The following MDGA2 variants were observed in gnomAD, a reference collection of about 807,000 sequenced individuals.
The protein encoded by MDGA2 is MAM domain-containing glycosylphosphatidylinositol anchor protein 2.
Under a neutral mutation model 117.8 loss-of-function variants are expected in MDGA2, and 40 were observed. That is an observed-to-expected ratio of 0.34 (90% confidence interval 0.26 to 0.44). The LOEUF is 0.44. Among genes scored for constraint, MDGA2 ranks in the 20% least tolerant of loss-of-function variants. MDGA2 has a pLI of 1.00. For missense variants in MDGA2, 1,123 were observed against 1,250.6 expected, an observed-to-expected ratio of 0.90 and a Z score of 1.54; for synonymous variants, 452 against 439.0, an observed-to-expected ratio of 1.03 and a Z score of -0.37.
At chr14:47,546,043 T>TAGGAGAAAAAA (rs1346942330) in intron 1 of MDGA2, among the ~76,000 whole-genome samples, 1 of 152,336 alleles carries the variant, frequency 6.6e-6, no homozygotes. Flanking sequence ...AAAAAAGTAC[T>TAGGAGAAAAAA]GTATTTAGGA....
chr14:46,921,706 T>C (rs1357744860), intron 9 of MDGA2, among the ~76,000 whole-genome samples: 2 of 152,194 alleles, frequency 1.3e-5, no homozygotes, highest in South Asian at 2.1e-4. Context: ...CAAAACATTC[T>C]TGATAATTTG....
intron 15 of MDGA2, among the ~76,000 whole-genome samples, chr14:46,847,919 C>G (rs767526714): frequency 6.6e-6 from 1 of 151,912 alleles, no homozygotes; most frequent in East Asian, 1.9e-4. Flanking sequence ...GTTTTTAAGT[C>G]TTGGGGTATA....
intron 3 of MDGA2, among the ~76,000 whole-genome samples, chr14:47,167,583 A>G (rs146921443): frequency 6.6e-6 from 1 of 152,256 alleles, no homozygotes; most frequent in African/African-American, 2.4e-5. Context: ...AAGAATAGCA[A>G]AAGTGAAGGA....
intron 2 of MDGA2, among the ~76,000 whole-genome samples, chr14:47,301,039 A>G (rs1286632080): frequency 6.6e-6 from 1 of 152,204 alleles, no homozygotes; most frequent in African/African-American, 2.4e-5. Context: ...TTATGTCATC[A>G]TGAAATCATG....
intron 10 of MDGA2, among the ~76,000 whole-genome samples, chr14:46,915,101 G>T (rs940981420): frequency 1.3e-5 from 2 of 152,018 alleles, no homozygotes; most frequent in Admixed American, 1.3e-4. Context: ...ATTGATTTAG[G>T]ATTCTGAAAT....
intron 5 of MDGA2, among the ~76,000 whole-genome samples, chr14:47,105,267 CTG>C (rs1033481956): frequency 6.6e-6 from 1 of 152,122 alleles, no homozygotes; most frequent in Non-Finnish European, 1.5e-5. Context: ...CCTCTTATCT[CTG>C]TGCCCCAATC....
At chr14:46,939,609 C>G (rs1025726464) in intron 9 of MDGA2, among the ~76,000 whole-genome samples, 10 of 152,182 alleles carry the variant, frequency 6.6e-5, no homozygotes, top group African/African-American at 2.4e-4. Context: ...TTTAATCTCT[C>G]CCAGACAGAA....
At chr14:46,849,244 C>T (rs2046234368) in intron 15 of MDGA2, among the ~76,000 whole-genome samples, 1 of 151,780 alleles carries the variant, frequency 6.6e-6, no homozygotes, top group South Asian at 2.1e-4. Context: ...CCACAAGGAC[C>T]TTTTTGAACA....
chr14:47,611,440 A>ATAT (rs1391654417), intron 1 of MDGA2, among the ~76,000 whole-genome samples: 1 of 152,140 alleles, frequency 6.6e-6, no homozygotes, highest in African/African-American at 2.4e-5. Flanking sequence ...AGTGGGAGAA[A>ATAT]ATCTTCACTA....
At chr14:47,033,999 G>A (rs1888752689) in intron 8 of MDGA2, among the ~76,000 whole-genome samples, 1 of 152,174 alleles carries the variant, frequency 6.6e-6, no homozygotes, top group East Asian at 1.9e-4. Flanking sequence ...TTACAAAAGA[G>A]TCAGACAAAA....
chr14:46,946,608 A>T (rs1238870547), intron 9 of MDGA2, among the ~76,000 whole-genome samples: 1 of 152,094 alleles, frequency 6.6e-6, no homozygotes, highest in Non-Finnish European at 1.5e-5. Context: ...ATACATTATG[A>T]TGTGGATGTA....
Position 47,061,414 on chromosome 14 carries a change from G to T in MDGA2, c.1360C>A (p.Arg454=). The T allele has an allele frequency of 6.2e-7, 1 of 1,613,554 alleles. No individual in the cohort carries two copies. Among genetic ancestry groups the T allele is most frequent in the South Asian group, 1.1e-5 (1 of 91,082 alleles). Residue 454 remains arginine (R), a synonymous_variant, in exon 7 of 17, where the codon CGG becomes AGG. Transcript: ENST00000399232. The part of the protein sequence containing the change: ...KNGRPLRSSE[R]MVITQTDPDV... ...GGATCAGTCTGTGTAATGACCATCCGCTCAGAACTTCTTAATGGACGACCA... is the reference window on the plus strand; with the variant it reads ...GGATCAGTCTGTGTAATGACCATCCTCTCAGAACTTCTTAATGGACGACCA...
At chr14:47,103,934 C>T (rs186882593) in intron 5 of MDGA2, among the ~76,000 whole-genome samples, 7 of 152,180 alleles carry the variant, frequency 4.6e-5, no homozygotes, top group East Asian at 1.9e-4. Flanking sequence ...GATATATCAG[C>T]GAACAAAAGA....
chr14:46,923,535 C>T (rs7154499), intron 9 of MDGA2, among the ~76,000 whole-genome samples: 11,109 of 151,860 alleles, frequency 0.073, 1,362 homozygotes, highest in African/African-American at 0.25. Flanking sequence ...AGGTAAAAAA[C>T]GTTTTTAGAT....
intron 9 of MDGA2, among the ~76,000 whole-genome samples, chr14:46,940,533 T>A (rs562491544): frequency 6.7e-6 from 1 of 148,920 alleles, no homozygotes; most frequent in South Asian, 2.1e-4. Context: ...GAGGTTGAAG[T>A]GGAAGAATTG....
intron 1 of MDGA2, among the ~76,000 whole-genome samples, chr14:47,536,254 G>C (rs1211691956): frequency 6.6e-6 from 1 of 152,140 alleles, no homozygotes; most frequent in Non-Finnish European, 1.5e-5. Flanking sequence ...ATTACCAAAT[G>C]AAATATGTAC....
At position 47,537,573 on chromosome 14, in the gene MDGA2, TTAAAAAAAAAAAAAAAA is replaced by T. The variant is rs1216847065; in HGVS notation, c.280+136927_280+136943del. 6.1e-4 allele frequency among the ~76,000 whole-genome samples: 35 copies of T among 57,106 alleles called. 2 individuals carry two copies. The highest frequency in any genetic ancestry group is 0.029 in the Middle Eastern group (2 of 70). 37.5% of individuals were successfully genotyped at this position (57,106 alleles called of 152,430 possible). A position where few individuals can be genotyped will look rare whatever the true frequency, so the allele number is the denominator to read the frequency against. ...ATTATCCACTGTTACCTTCTCTCTG[TTAAAAAAAAAAAAAAAA>T]AAAAAAAAAAAAAAAAAAAAAAAAC... On this transcript the variant is annotated intron_variant, in intron 1 of 16. Coordinates refer to ENST00000399232, the MANE Select transcript of MDGA2 (RefSeq NM_001113498.3).
chr14:47,423,254 G>A (rs923510833), intron 1 of MDGA2, among the ~76,000 whole-genome samples: 1 of 152,228 alleles, frequency 6.6e-6, no homozygotes, highest in South Asian at 2.1e-4. Context: ...AAAGTCAAAA[G>A]CATTTGCAAA....
At chr14:47,054,226 T>C (rs1889581996) in intron 7 of MDGA2, among the ~76,000 whole-genome samples, 1 of 151,994 alleles carries the variant, frequency 6.6e-6, no homozygotes, top group African/African-American at 2.4e-5. Context: ...CTTTGCCTTG[T>C]AAATATTCCA....
Sources: allele counts gnomAD v4.1 joint callset (sites outside exome capture counted in the v4.1 genomes callset), GRCh38; gene constraint gnomAD v4.1.1; transcripts MANE v1.5; gene names NCBI Gene and HGNC (gene_info 2026-07-23, HGNC 2026-07-21).